LARGE1: variants seen among roughly 807,000 people sequenced by gnomAD.
LARGE1 encodes LARGE xylosyl- and glucuronyltransferase 1, also known as xylosyl- and glucuronyltransferase LARGE1.
A neutral mutation model predicts 87.6 loss-of-function variants in LARGE1; 43 were observed. The ratio of observed to expected loss-of-function variants is 0.49; its 90% CI spans 0.38 to 0.63. The LOEUF is 0.63. Among genes scored for constraint, LARGE1 ranks in the 30% least tolerant of loss-of-function variants. The pLI, the probability that LARGE1 is intolerant of heterozygous loss-of-function variation, is 0.00. For missense variants in LARGE1, 802 were observed against 1,000.2 expected, an observed-to-expected ratio of 0.80 and a Z score of 2.67; for synonymous variants, 434 against 394.6, an observed-to-expected ratio of 1.10 and a Z score of -1.18.
At chr22:33,454,765 G>A (rs1019873313) in intron 6 of LARGE1, among the ~76,000 whole-genome samples, 3 of 152,140 alleles carry the variant, frequency 2.0e-5, no homozygotes, top group Admixed American at 1.3e-4. Flanking sequence ...AAACAGACAC[G>A]TCTCACATGG....
intron 7 of LARGE1, among the ~76,000 whole-genome samples, chr22:33,390,896 C>T (rs1200738152): frequency 1.3e-5 from 2 of 152,092 alleles, no homozygotes; most frequent in South Asian, 2.1e-4. Context: ...GGGGTTTCAC[C>T]ATGTTAGCCA....
chr22:33,484,769 C>T (rs555664019), intron 6 of LARGE1, among the ~76,000 whole-genome samples: 6 of 152,316 alleles, frequency 3.9e-5, no homozygotes, highest in African/African-American at 1.2e-4. Flanking sequence ...TCCTGTTCAG[C>T]TTCTCTTCCT....
At chr22:33,840,958 G>A (rs1349479454) in intron 1 of LARGE1, among the ~76,000 whole-genome samples, 1 of 152,154 alleles carries the variant, frequency 6.6e-6, no homozygotes, top group African/African-American at 2.4e-5. Flanking sequence ...AAAGCAATAT[G>A]CATTCAATAG....
chr22:33,513,170 C>T lies in LARGE1; in HGVS notation c.787+51678G>A, dbSNP rs368043460. Among the ~76,000 whole-genome samples, 9 of 152,056 alleles carry T rather than the reference C, an allele frequency of 5.9e-5. No homozygotes were observed. The East Asian group carries it at 9.7e-4, about 16-fold the overall frequency. ...TGAGGAATGTAAAAGAAAGGCACCG[C>T]GGGAGAAGCCCTTTTGCAGAAAAGG... On this transcript the variant is annotated intron_variant, in intron 6 of 14. Coordinates refer to ENST00000397394, the MANE Select transcript of LARGE1 (RefSeq NM_133642.5).
intron 6 of LARGE1, among the ~76,000 whole-genome samples, chr22:33,536,175 A>G (rs1326333167): frequency 6.6e-6 from 1 of 152,206 alleles, no homozygotes; most frequent in East Asian, 1.9e-4. Flanking sequence ...GAACAAATTA[A>G]TGGTAGAGAC....
At chr22:33,110,996 G>A in the LARGE1 span, among the ~76,000 whole-genome samples, 381 of 152,304 alleles carry the variant, frequency 2.5e-3, 2 homozygotes, top group Non-Finnish European at 4.1e-3. Context: ...AGATCAAGCT[G>A]TATGATGTGT....
chr22:33,494,531 C>T (rs1569211782), intron 6 of LARGE1, among the ~76,000 whole-genome samples: 1 of 152,202 alleles, frequency 6.6e-6, no homozygotes, highest in East Asian at 1.9e-4. Context: ...CCACCATATT[C>T]TATTTTAATT....
intron 1 of LARGE1, among the ~76,000 whole-genome samples, chr22:33,775,106 G>C (rs1004028477): frequency 6.6e-5 from 10 of 152,124 alleles, no homozygotes; most frequent in African/African-American, 2.4e-4. Context: ...ACTTTCACAC[G>C]GCCTTAATTC....
chr22:33,685,177 G>A (rs553426823), intron 2 of LARGE1, among the ~76,000 whole-genome samples: 1 of 152,356 alleles, frequency 6.6e-6, no homozygotes, highest in Admixed American at 6.5e-5. Flanking sequence ...GGTGGACAGA[G>A]GTAGTGTGAT....
At chr22:33,672,587 G>T (rs1202811618) in intron 2 of LARGE1, among the ~76,000 whole-genome samples, 4 of 152,188 alleles carry the variant, frequency 2.6e-5, no homozygotes, top group African/African-American at 7.2e-5. Flanking sequence ...ACCAATTTGG[G>T]TGGGGAAGTA....
chr22:33,148,671 T>C, the LARGE1 span, among the ~76,000 whole-genome samples: 11 of 152,216 alleles, frequency 7.2e-5, 1 homozygote, highest in Admixed American at 6.5e-4. Flanking sequence ...TTTTTCAAAA[T>C]TGGCTGTATT....
intron 6 of LARGE1, among the ~76,000 whole-genome samples, chr22:33,554,673 T>C (rs780938668): frequency 2.6e-5 from 4 of 152,170 alleles, no homozygotes; most frequent in Non-Finnish European, 5.9e-5. Context: ...TTTTTGAAAG[T>C]ACTGTTTTCC....
intron 1 of LARGE1, among the ~76,000 whole-genome samples, chr22:33,907,740 G>A (rs372226217): frequency 4.4e-4 from 67 of 152,122 alleles, no homozygotes; most frequent in Middle Eastern, 3.4e-3. Context: ...GACTACAGGC[G>A]CCCGCCACCA....
In LARGE1 at chr22:33,831,809, CAA is replaced by C. The variant is rs147235233; in HGVS notation, c.-82-70253_-82-70252del. On this transcript the variant is annotated intron_variant, in intron 1 of 14. Coordinates refer to ENST00000397394, the MANE Select transcript of LARGE1 (RefSeq NM_133642.5). ...ATACACATACACAGACTTGAGCCTCCAAAGAGGATAACGTTCAAGCTGCTTGG... is the reference window on the plus strand; with the variant it reads ...ATACACATACACAGACTTGAGCCTCCAGAGGATAACGTTCAAGCTGCTTGG... Among the ~76,000 whole-genome samples the C allele has an allele frequency of 7.2e-3, 1,097 of 151,716 alleles. 43 individuals are homozygous for C. The East Asian group carries it at 0.12, about 16-fold the overall frequency.
At chr22:33,117,538 T>C in the LARGE1 span, among the ~76,000 whole-genome samples, 1 of 151,846 alleles carries the variant, frequency 6.6e-6, no homozygotes, top group Non-Finnish European at 1.5e-5. Context: ...AGGGTCAGGA[T>C]ACAGGAAAAC....
the LARGE1 span, among the ~76,000 whole-genome samples, chr22:33,130,448 C>T: frequency 1.3e-5 from 2 of 151,804 alleles, no homozygotes; most frequent in Admixed American, 1.3e-4. Context: ...CGAGATTGCA[C>T]CACTGCACTC....
At chr22:33,560,944 A>G (rs2077838353) in intron 6 of LARGE1, among the ~76,000 whole-genome samples, 1 of 151,816 alleles carries the variant, frequency 6.6e-6, no homozygotes, top group Admixed American at 6.6e-5. Flanking sequence ...CCTCCCGAGT[A>G]GCTGGGACTA....
At chr22:33,767,434 T>C (rs1265718941) in intron 1 of LARGE1, among the ~76,000 whole-genome samples, 4 of 148,788 alleles carry the variant, frequency 2.7e-5, no homozygotes, top group Non-Finnish European at 5.9e-5. Flanking sequence ...TATGCATGTA[T>C]ATATATGTAT....
chr22:33,791,370 A>G (rs2085819202), intron 1 of LARGE1, among the ~76,000 whole-genome samples: 1 of 152,236 alleles, frequency 6.6e-6, no homozygotes, highest in African/African-American at 2.4e-5. Context: ...ACTCTTCTGC[A>G]CAACTCAGTA....
Sources: gnomAD v4.1 joint callset for allele counts (sites outside exome capture counted in the v4.1 genomes callset) on GRCh38, gnomAD v4.1.1 for gene constraint, MANE v1.5 for transcripts, NCBI Gene and HGNC (gene_info 2026-07-23, HGNC 2026-07-21) for gene names.